The following NPAT variants were observed in gnomAD, a reference collection of about 807,000 sequenced individuals.
NPAT encodes the protein protein NPAT.
Under a neutral mutation model 130.7 loss-of-function variants are expected in NPAT, and 52 were observed. The observed-to-expected ratio is 0.40, with a 90% CI of 0.32 to 0.50. The LOEUF (loss-of-function observed/expected upper bound fraction) is 0.50, where lower values mean the gene tolerates loss of function less well. NPAT is among the 20% of genes least tolerant of loss of function. NPAT has a pLI of 0.68. For synonymous variants in NPAT, 580 were observed against 584.8 expected, an observed-to-expected ratio of 0.99 and a Z score of 0.12; for missense variants, 1,687 against 1,662.6, an observed-to-expected ratio of 1.01 and a Z score of -0.26.
At chr11:108,193,551 C>A (rs578207286) in intron 3 of NPAT, among the ~76,000 whole-genome samples, 1 of 152,010 alleles carries the variant, frequency 6.6e-6, no homozygotes, top group African/African-American at 2.4e-5. Context: ...CATGGAGAAA[C>A]CCTGGCTCTA....
At chr11:108,184,508 A>T (rs980581264) in intron 10 of NPAT, among the ~76,000 whole-genome samples, 4 of 146,610 alleles carry the variant, frequency 2.7e-5, no homozygotes, top group South Asian at 2.2e-4. Flanking sequence ...TATTTTGTTA[A>T]CTATTACTTG....
In NPAT at chr11:108,196,208, T is replaced by C. The variant is rs925645234; in HGVS notation, c.156+1094A>G. The stretch of plus-strand genomic sequence containing the variant: ...GGATGTCTGAGTGTTCCAGCAACAT[T>C]TGTTGATAAGACCATCCTTTCTGCA... On this transcript the variant is annotated intron_variant, in intron 2 of 17. Transcript: ENST00000278612. Among the ~76,000 whole-genome samples the C allele has an allele frequency of 2.6e-5, 4 of 152,336 alleles. No homozygotes were observed. The South Asian group carries it at 8.3e-4, about 32-fold the overall frequency.
rs1378355245 is a variant in NPAT at position 108,169,938 on chromosome 11, G to A, written c.2891C>T (p.Pro964Leu). Residue 964 changes from proline to leucine, a missense_variant, in exon 14 of 18, where the codon CCT becomes CTT. Around this residue, in one of 3 missense-constraint regions of NPAT, gnomAD observed 1,379 missense variants for 1,346.6 expected, o/e 1.02. Coordinates refer to ENST00000278612, the MANE Select transcript of NPAT (RefSeq NM_002519.3). Reference sequence around the variant, plus strand: ...GTTCATAAATCTTACCTGCCGAGGAGGAGTAGAAAAGTTATTTCCATTCTG... The same window carrying A: ...GTTCATAAATCTTACCTGCCGAGGAAGAGTAGAAAAGTTATTTCCATTCTG... ...VGQNGNNFST[P>L]PRQVLHMPLT... The A allele has an allele frequency of 6.2e-7, 1 of 1,613,030 alleles. No homozygotes were observed. Among genetic ancestry groups the A allele is most frequent in the Admixed American group, 1.7e-5 (1 of 59,994 alleles).
At chr11:108,198,963 A>G (rs934940564) in intron 1 of NPAT, among the ~76,000 whole-genome samples, 2 of 152,252 alleles carry the variant, frequency 1.3e-5, no homozygotes, top group Non-Finnish European at 2.9e-5. Flanking sequence ...GTAGCCCTTC[A>G]GCCCTCCGCT....
chr11:108,211,398 C>T (rs941264128), intron 1 of NPAT, among the ~76,000 whole-genome samples: 5 of 151,944 alleles, frequency 3.3e-5, no homozygotes, highest in African/African-American at 1.2e-4. Flanking sequence ...CAAAAGTTAG[C>T]TGGACATGGT....
In NPAT at chr11:108,176,345, G is replaced by C; in HGVS notation, c.1033C>G (p.Gln345Glu). Residue 345 changes from glutamine (Q) to glutamate (E), a missense_variant, in exon 12 of 18, where the codon CAA becomes GAA. This residue lies in a region of NPAT where 1,379 missense variants were observed against 1,346.6 expected (regional missense o/e 1.02). Transcript: ENST00000278612. ...GKTKNNKNIS[Q>E]SISSQPMESN... ...TCCATAGGTTGACTGGAAATACTTTGTGATATATTTTTATTATTCTTTGTT... is the reference window on the plus strand; with the variant it reads ...TCCATAGGTTGACTGGAAATACTTTCTGATATATTTTTATTATTCTTTGTT... 1 of 1,554,002 alleles carries C rather than the reference G, an allele frequency of 6.4e-7. No homozygotes were observed. The highest frequency in any genetic ancestry group is 8.9e-7 in the Non-Finnish European group (1 of 1,125,864).
chr11:108,203,334 C>G (rs1016103202), intron 1 of NPAT, among the ~76,000 whole-genome samples: 1 of 152,154 alleles, frequency 6.6e-6, no homozygotes, highest in African/African-American at 2.4e-5. Flanking sequence ...TCTATTCAAC[C>G]CAGGGGACAT....
In NPAT at chr11:108,171,999, C is replaced by T. The variant is rs554216642; in HGVS notation, c.2785+200G>A. ...AAAGAAAAAAGAAAAACCACTAAAG[C>T]CCATAGCTTACTAGCAGATTAAGAA... is the stretch of plus-strand genomic sequence containing the variant. On this transcript the variant is annotated intron_variant, in intron 13 of 17. Transcript: ENST00000278612. 804 of 587,438 alleles carry T rather than the reference C, an allele frequency of 1.4e-3. 14 individuals carry two copies. In the South Asian group the frequency reaches 0.015, roughly 11 times the overall value. The allele number at this position is 587,438 out of a possible 1,614,324, so 36.4% of individuals were successfully genotyped here.
At chr11:108,220,455 T>C in intron 1 of NPAT, among the ~76,000 whole-genome samples, 1 of 152,134 alleles carries the variant, frequency 6.6e-6, no homozygotes, top group Non-Finnish European at 1.5e-5. Context: ...AAAAACCTAA[T>C]TATCTGAACA....
At position 108,169,989 on chromosome 11, in the gene NPAT, C is replaced by T. The variant is rs993740904; in HGVS notation, c.2840G>A (p.Gly947Glu). The T allele has an allele frequency of 3.7e-6, 6 of 1,613,752 alleles. No individual in the cohort carries two copies. The Admixed American group carries it at 1.0e-4, about 27-fold the overall frequency. ...PVQPVLQGMV[G>E]MIPVSVVGQN... ...TCCAACCACAGATACTGGGATCATC[C>T]CTACCATTCCTTGGAGTACAGGCTG... is the stretch of plus-strand genomic sequence containing the variant. The change falls in exon 14 of 18, where the codon GGG (glycine) becomes GAG (glutamate). Residue 947 changes from glycine (G) to glutamate (E), a missense_variant. Coordinates refer to ENST00000278612, the MANE Select transcript of NPAT (RefSeq NM_002519.3).
intron 1 of NPAT, among the ~76,000 whole-genome samples, chr11:108,210,814 C>G (rs1257734376): frequency 6.6e-6 from 1 of 152,330 alleles, no homozygotes; most frequent in South Asian, 2.1e-4. Flanking sequence ...TTTACAAACT[C>G]TTTTTGAAAT....
rs1047204930 is a variant in NPAT at position 108,197,894 on chromosome 11, T to C, written c.38-474A>G. On this transcript the variant is annotated intron_variant, in intron 1 of 17. Coordinates refer to ENST00000278612, the MANE Select transcript of NPAT (RefSeq NM_002519.3). ...ACAGAAGACCTACTCTGCATGAAAG[T>C]TGAGACAGGAACTCCCTTAATTCTT... Among the ~76,000 whole-genome samples the C allele has an allele frequency of 3.3e-5, 5 of 152,234 alleles. 1 individual carries two copies. The highest frequency in any genetic ancestry group is 9.6e-5 in the African/African-American group (4 of 41,458).
At chr11:108,183,867 G>A (rs964020245) in intron 10 of NPAT, among the ~76,000 whole-genome samples, 1 of 152,004 alleles carries the variant, frequency 6.6e-6, no homozygotes, top group Non-Finnish European at 1.5e-5. Flanking sequence ...CAGCTACTCA[G>A]AAGGCTGAGA....
At chr11:108,201,756 A>T (rs1443401438) in intron 1 of NPAT, among the ~76,000 whole-genome samples, 1 of 152,212 alleles carries the variant, frequency 6.6e-6, no homozygotes, top group East Asian at 1.9e-4. Flanking sequence ...CCATCTCCTC[A>T]AATATTAAGC....
At chr11:108,210,379 C>A (rs1163472372) in intron 1 of NPAT, among the ~76,000 whole-genome samples, 1 of 152,120 alleles carries the variant, frequency 6.6e-6, no homozygotes, top group Non-Finnish European at 1.5e-5. Context: ...TTGAGATAGT[C>A]AGTTCTCACA....
chr11:108,215,716 T>C (rs1591421334), intron 1 of NPAT, among the ~76,000 whole-genome samples: 1 of 152,208 alleles, frequency 6.6e-6, no homozygotes, highest in Non-Finnish European at 1.5e-5. Context: ...GGCAATGCCC[T>C]AGCTGTGATT....
intron 12 of NPAT, among the ~76,000 whole-genome samples, chr11:108,174,564 T>TAAA (rs561166671): frequency 3.8e-5 from 4 of 103,964 alleles, no homozygotes; most frequent in Non-Finnish European, 6.1e-5. Flanking sequence ...GAGAAGATCT[T>TAAA]AAAAAAAAAA....
At chr11:108,185,816 C>T (rs373335514) in intron 8 of NPAT, among the ~76,000 whole-genome samples, 4 of 152,186 alleles carry the variant, frequency 2.6e-5, no homozygotes, top group East Asian at 1.9e-4. Context: ...CTGCAACCTC[C>T]ACCTCGCAGT....
At chr11:108,184,784 G>A (rs1447698404) in intron 10 of NPAT, among the ~76,000 whole-genome samples, 3 of 152,150 alleles carry the variant, frequency 2.0e-5, no homozygotes, top group Non-Finnish European at 4.4e-5. Context: ...GCCCTCCTTG[G>A]CCTGCCAAAG....
Sources: allele counts gnomAD v4.1 joint callset (sites outside exome capture counted in the v4.1 genomes callset), GRCh38; gene constraint gnomAD v4.1.1; regional missense constraint gnomAD v4.1.1; transcripts MANE v1.5; gene names NCBI Gene and HGNC (gene_info 2026-07-23, HGNC 2026-07-21).